The following DNAI2 variants were observed in gnomAD, a reference collection of about 807,000 sequenced individuals.
DNAI2 encodes dynein, axonemal, intermediate polypeptide 2.
Under a neutral mutation model 74.7 loss-of-function variants are expected in DNAI2, and 63 were observed. The ratio of observed to expected loss-of-function variants is 0.84; its 90% CI spans 0.69 to 1.04. The LOEUF (loss-of-function observed/expected upper bound fraction) is 1.04, where lower values mean the gene tolerates loss of function less well. DNAI2 is among the 50% of genes least tolerant of loss of function. DNAI2 has a pLI of 0.00. For synonymous variants in DNAI2, 289 were observed against 314.9 expected, an observed-to-expected ratio of 0.92 and a Z score of 0.87; for missense variants, 688 against 803.2, an observed-to-expected ratio of 0.86 and a Z score of 1.73.
intron 6 of DNAI2, among the ~76,000 whole-genome samples, chr17:74,294,710 G>A (rs987070846): frequency 5.9e-5 from 9 of 152,198 alleles, no homozygotes; most frequent in South Asian, 4.1e-4. Context: ...TGATTATGAT[G>A]TTTCTAGGTA....
intron 1 of DNAI2, among the ~76,000 whole-genome samples, chr17:74,281,244 A>G (rs1370269857): frequency 3.3e-5 from 5 of 152,098 alleles, no homozygotes; most frequent in Non-Finnish European, 7.4e-5. Flanking sequence ...ATGCCTTCAA[A>G]GAAAATGGTG....
chr17:74,302,329 A>AG (rs1248971110), intron 8 of DNAI2, among the ~76,000 whole-genome samples: 2 of 152,212 alleles, frequency 1.3e-5, no homozygotes, highest in Non-Finnish European at 2.9e-5. Flanking sequence ...GCACTTTGGG[A>AG]GGCCAAGGCG....
At chr17:74,302,944 T>C (rs1160102383) in intron 8 of DNAI2, among the ~76,000 whole-genome samples, 1 of 151,922 alleles carries the variant, frequency 6.6e-6, no homozygotes, top group Non-Finnish European at 1.5e-5. Flanking sequence ...GGCAGGGAGG[T>C]TGGGGTGGCG....
In DNAI2 at chr17:74,301,027, T is replaced by A. The variant is rs1237929121; in HGVS notation, c.865-19T>A. 1 of 1,613,466 alleles carries A rather than the reference T, an allele frequency of 6.2e-7. No individual in the cohort carries two copies. The highest frequency in any genetic ancestry group is 1.3e-5 in the African/African-American group (1 of 75,018). On this transcript the variant is annotated intron_variant, in intron 7 of 13. Coordinates refer to ENST00000311014, the MANE Select transcript of DNAI2 (RefSeq NM_023036.6). ...AATACAGGGCCTCGAAGTCTCACTG[T>A]CGCCCCTCCTCCCACCAGGTCATGT...
At chr17:74,278,269 A>G (rs1226368389) in intron 1 of DNAI2, among the ~76,000 whole-genome samples, 2 of 97,320 alleles carry the variant, frequency 2.1e-5, no homozygotes, top group East Asian at 4.0e-4. Flanking sequence ...CAACTCTACA[A>G]AAAAAAAAAA....
chr17:74,285,446 GCAAAGGTGACTCC>G (rs1405811724), intron 3 of DNAI2, among the ~76,000 whole-genome samples: 1 of 152,168 alleles, frequency 6.6e-6, no homozygotes, highest in Non-Finnish European at 1.5e-5. Flanking sequence ...CTGACCTTGG[GCAAAGGTGACTCC>G]CAAAGTGCCC....
At chr17:74,284,447 C>T (rs1157819777) in intron 2 of DNAI2, among the ~76,000 whole-genome samples, 1 of 152,054 alleles carries the variant, frequency 6.6e-6, no homozygotes, top group Non-Finnish European at 1.5e-5. Context: ...GAGTCTCGCT[C>T]TGTCGCCCAG....
chr17:74,275,205 G>A (rs1024234914), intron 1 of DNAI2, among the ~76,000 whole-genome samples: 2 of 152,166 alleles, frequency 1.3e-5, no homozygotes, highest in African/African-American at 4.8e-5. Flanking sequence ...GAGACCACAA[G>A]GTAGTTGTGA....
At chr17:74,311,231 G>C (rs2053503198) in intron 11 of DNAI2, among the ~76,000 whole-genome samples, 1 of 152,212 alleles carries the variant, frequency 6.6e-6, no homozygotes, top group Non-Finnish European at 1.5e-5. Context: ...TGAAGAGGGG[G>C]ACTGAGATCC....
rs1173706851 is a variant in DNAI2 at position 74,309,257 on chromosome 17, C to T, written c.1216C>T (p.His406Tyr). The change falls in exon 10 of 14, where the codon CAC becomes TAC. Residue 406 changes from histidine to tyrosine, a missense_variant. By Grantham distance (83) the His-to-Tyr change is moderately conservative. Transcript: ENST00000311014. ...RESSIMWTKY[H>Y]MAYLTDAAWS... is the part of the protein sequence containing the mutation. The stretch of plus-strand genomic sequence containing the variant: ...GATGTGGTCTACCTCCCACAGGTAC[C>T]ACATGGCTTACCTCACTGATGCTGC... 5.0e-6 allele frequency: 8 copies of T among 1,614,072 alleles called. No homozygotes were observed. Among genetic ancestry groups the T allele is most frequent in the Non-Finnish European group, 6.8e-6 (8 of 1,180,014 alleles).
intron 8 of DNAI2, among the ~76,000 whole-genome samples, chr17:74,303,225 G>A (rs2052968217): frequency 6.6e-6 from 1 of 152,112 alleles, no homozygotes; most frequent in African/African-American, 2.4e-5. Flanking sequence ...GTAAAGCTGG[G>A]ACTCAAACCC....
chr17:74,297,717 A>T (rs1428308131), intron 6 of DNAI2, among the ~76,000 whole-genome samples: 1 of 149,826 alleles, frequency 6.7e-6, no homozygotes, highest in African/African-American at 2.5e-5. Flanking sequence ...CTCCAGTGAG[A>T]TCAGAAGTCA....
At chr17:74,277,390 A>T (rs1306728322) in intron 1 of DNAI2, among the ~76,000 whole-genome samples, 1 of 151,468 alleles carries the variant, frequency 6.6e-6, no homozygotes, top group African/African-American at 2.4e-5. Flanking sequence ...ATCTCAAAAA[A>T]AAAAAAAAAA....
At chr17:74,293,166 G>T (rs1156960231) in intron 6 of DNAI2, among the ~76,000 whole-genome samples, 1 of 152,162 alleles carries the variant, frequency 6.6e-6, no homozygotes, top group Non-Finnish European at 1.5e-5. Flanking sequence ...TGTCTGGGAG[G>T]TCTTGTCTAT....
Position 74,285,982 on chromosome 17 carries a change from G to T in DNAI2, c.345+781G>T, listed in dbSNP as rs868410689. On this transcript the variant is annotated intron_variant, in intron 3 of 13. Coordinates refer to ENST00000311014, the MANE Select transcript of DNAI2 (RefSeq NM_023036.6). ...ACATATATATATATAGAGAGAGAGA[G>T]AGAGAGAGAGAGAGATTAATAATTT... Among the ~76,000 whole-genome samples, 1,054 of 151,586 alleles carry T rather than the reference G, an allele frequency of 7.0e-3. 16 individuals are homozygous for T. The highest frequency in any genetic ancestry group is 0.024 in the African/African-American group (994 of 41,360).
At chr17:74,312,283 C>T in intron 12 of DNAI2, 53 bp downstream of exon 12, 1 of 536,770 alleles carries the variant, frequency 1.9e-6, no homozygotes, top group Non-Finnish European at 3.7e-6. Context: ...GGACACATGG[C>T]ACTTGGGTTC....
intron 8 of DNAI2, 80 bp from the exon 9 acceptor site, chr17:74,305,139 A>G (rs564144030): frequency 2.7e-6 from 4 of 1,484,332 alleles, no homozygotes; most frequent in East Asian, 2.3e-5. Flanking sequence ...AGACCCCCCA[A>G]GCAAGCTCCT....
chr17:74,286,298 A>AATAATAATAATG, intron 3 of DNAI2, among the ~76,000 whole-genome samples: 1 of 544 alleles, frequency 1.8e-3, no homozygotes, highest in South Asian at 0.17. Context: ...TGTGTCTCAA[A>AATAATAATAATG]ATAATAATAA....
intron 6 of DNAI2, among the ~76,000 whole-genome samples, chr17:74,291,763 G>C (rs965787145): frequency 6.6e-6 from 1 of 152,218 alleles, no homozygotes; most frequent in South Asian, 2.1e-4. Context: ...TATTTTGGGA[G>C]AGGTTTCTGG....
Sources: allele counts gnomAD v4.1 joint callset (sites outside exome capture counted in the v4.1 genomes callset), GRCh38; gene constraint gnomAD v4.1.1; transcripts MANE v1.5; gene names NCBI Gene and HGNC (gene_info 2026-07-23, HGNC 2026-07-21).